DTNB: variants seen among roughly 807,000 people sequenced by gnomAD.
DTNB encodes DTN-B.
Under a neutral mutation model 90.7 loss-of-function variants are expected in DTNB, and 63 were observed. The ratio of observed to expected loss-of-function variants is 0.69; its 90% CI spans 0.57 to 0.86. DTNB has a LOEUF of 0.86. Ranked by LOEUF, DTNB falls within the 40% of genes least tolerant of loss-of-function variation. The probability of loss-of-function intolerance (pLI) is 0.00; values close to 1 mark genes in which losing one functional copy is unlikely to be tolerated. For missense variants in DTNB, 744 were observed against 807.1 expected, an observed-to-expected ratio of 0.92 and a Z score of 0.95; for synonymous variants, 277 against 286.7, an observed-to-expected ratio of 0.97 and a Z score of 0.34.
intron 8 of DTNB, among the ~76,000 whole-genome samples, chr2:25,560,680 A>G (rs146556362): frequency 2.2e-4 from 34 of 152,296 alleles, no homozygotes; most frequent in African/African-American, 7.9e-4. Context: ...GTCATCCTCC[A>G]TAACTGCATA....
intron 2 of DTNB, among the ~76,000 whole-genome samples, chr2:25,641,436 T>C (rs957351268): frequency 6.6e-6 from 1 of 152,170 alleles, no homozygotes; most frequent in Non-Finnish European, 1.5e-5. Flanking sequence ...ATCCATTACC[T>C]CAAAGGATAT....
chr2:25,382,817 C>T (rs940036821), intron 19 of DTNB, among the ~76,000 whole-genome samples: 1 of 152,122 alleles, frequency 6.6e-6, no homozygotes, highest in Non-Finnish European at 1.5e-5. Flanking sequence ...GTGTGAGCCA[C>T]CACGTCTGGC....
intron 2 of DTNB, among the ~76,000 whole-genome samples, chr2:25,639,652 C>A (rs2077821321): frequency 6.6e-6 from 1 of 151,436 alleles, no homozygotes; most frequent in African/African-American, 2.4e-5. Context: ...ATTTTATGTA[C>A]TTCTAGTATG....
chr2:25,481,471 A>G (rs2064952413), intron 10 of DTNB: 1 of 152,038 alleles, frequency 6.6e-6, no homozygotes, highest in African/African-American at 2.4e-5. Context: ...CCAGATTCCA[A>G]CTCAGAAAGA....
chr2:25,669,838 G>A (rs1479010734), intron 1 of DTNB, among the ~76,000 whole-genome samples: 2 of 151,910 alleles, frequency 1.3e-5, no homozygotes, highest in Non-Finnish European at 2.9e-5. Context: ...CAGCTACTTG[G>A]GAGAATCACT....
rs182459180 is a variant in DTNB, at chr2:25,535,434, C to T, written c.877-3837G>A. The stretch of plus-strand genomic sequence containing the variant: ...CCCAGAGGGGGCGGCCAGGCAGAGG[C>T]GCTCCTCACCTCCCATTCGGGGCAG... On this transcript the variant is annotated intron_variant, in intron 8 of 20. Transcript: ENST00000406818. Among the ~76,000 whole-genome samples, 161 of 126,782 alleles carry T rather than the reference C, an allele frequency of 1.3e-3. 2 individuals are homozygous for T. The highest frequency in any genetic ancestry group is 4.4e-3 in the African/African-American group (144 of 32,608). The allele number at this position is 126,782 out of a possible 152,430, so 83.2% of individuals were successfully genotyped here.
intron 16 of DTNB, among the ~76,000 whole-genome samples, chr2:25,395,745 G>A (rs1203840671): frequency 6.6e-6 from 1 of 152,062 alleles, no homozygotes; most frequent in African/African-American, 2.4e-5. Context: ...TACTTCCAGT[G>A]AGCAAGGAAG....
At chr2:25,639,944 T>G (rs2077895006) in intron 2 of DTNB, among the ~76,000 whole-genome samples, 1 of 152,204 alleles carries the variant, frequency 6.6e-6, no homozygotes, top group Non-Finnish European at 1.5e-5. Context: ...CAGCATCGAC[T>G]GCCAAACGCG....
rs372322501 is a variant in DTNB, at chr2:25,487,403, T to C, written c.1002-4530A>G. Among the ~76,000 whole-genome samples, 3 of 152,346 alleles carry C rather than the reference T, an allele frequency of 2.0e-5. No individual in the cohort carries two copies. In the East Asian group the frequency reaches 5.8e-4, roughly 29 times the overall value. On this transcript the variant is annotated intron_variant, in intron 9 of 20. Coordinates refer to ENST00000406818, the MANE Select transcript of DTNB (RefSeq NM_021907.5). ...TAGGCATTGTGTTAGGTATTACAAGTACTCTAGAGAGGACTTAAAGTATAT... is the reference window on the plus strand; with the variant it reads ...TAGGCATTGTGTTAGGTATTACAAGCACTCTAGAGAGGACTTAAAGTATAT...
chr2:25,461,742 A>G (rs547700600), intron 10 of DTNB, among the ~76,000 whole-genome samples: 1 of 152,272 alleles, frequency 6.6e-6, no homozygotes, highest in South Asian at 2.1e-4. Flanking sequence ...TGCTAACAAC[A>G]CTCCAGTAGG....
intron 8 of DTNB, among the ~76,000 whole-genome samples, chr2:25,534,326 G>C (rs1019905282): frequency 4.6e-5 from 7 of 152,206 alleles, no homozygotes; most frequent in Admixed American, 2.6e-4. Flanking sequence ...TGGGGGTAAG[G>C]TTATAGATTA....
intron 10 of DTNB, among the ~76,000 whole-genome samples, chr2:25,478,612 G>A (rs1411282390): frequency 6.6e-6 from 1 of 151,840 alleles, no homozygotes; most frequent in African/African-American, 2.4e-5. Flanking sequence ...ATAGCTCACT[G>A]CAGCCTCAAA....
rs542277426 is a variant in DTNB, at chr2:25,550,190, G to A, written c.877-18593C>T. ...GCGGATCACGAGGTCAGGAGATCGA[G>A]ACCATCCTGGCTAACACGGTGAAAC... On this transcript the variant is annotated intron_variant, in intron 8 of 20. Transcript: ENST00000406818. Among the ~76,000 whole-genome samples the A allele has an allele frequency of 2.6e-5, 4 of 152,198 alleles. No individual in the cohort carries two copies. The South Asian group carries it at 6.2e-4, about 24-fold the overall frequency.
intron 9 of DTNB, among the ~76,000 whole-genome samples, chr2:25,514,309 G>A (rs931421672): frequency 4.6e-5 from 7 of 152,136 alleles, no homozygotes; most frequent in African/African-American, 1.7e-4. Context: ...TGAGGTGGAC[G>A]CACACTTGGT....
chr2:25,663,303 G>A (rs2083655470), intron 1 of DTNB, among the ~76,000 whole-genome samples: 1 of 151,972 alleles, frequency 6.6e-6, no homozygotes, highest in African/African-American at 2.4e-5. Context: ...TTCTTTATCC[G>A]TTCTATTATT....
At chr2:25,606,607 T>A (rs1485720055) in intron 5 of DTNB, among the ~76,000 whole-genome samples, 1 of 152,182 alleles carries the variant, frequency 6.6e-6, no homozygotes, top group Non-Finnish European at 1.5e-5. Flanking sequence ...AATAACTGAA[T>A]AAATAAAAAC....
In DTNB at chr2:25,629,438, G is replaced by C. The variant is rs117112695; in HGVS notation, c.149-1054C>G. Among the ~76,000 whole-genome samples the C allele has an allele frequency of 5.1e-4, 77 of 152,284 alleles. No individual in the cohort carries two copies. The East Asian group carries it at 0.014, about 28-fold the overall frequency. On this transcript the variant is annotated intron_variant, in intron 3 of 20. Transcript: ENST00000406818. ...GACCCAAATATGTCAGTTAACTGCA[G>C]TGACTATAAACACACTAACGTACCA...
intron 9 of DTNB, among the ~76,000 whole-genome samples, chr2:25,495,601 G>A (rs540810443): frequency 2.6e-5 from 4 of 152,122 alleles, no homozygotes; most frequent in Admixed American, 6.5e-5. Flanking sequence ...AATGATTCTC[G>A]TGTGGATAGT....
intron 8 of DTNB, among the ~76,000 whole-genome samples, chr2:25,562,773 C>CT (rs1161329249): frequency 2.6e-5 from 4 of 151,800 alleles, no homozygotes; most frequent in Non-Finnish European, 4.4e-5. Context: ...CCCCAATTTA[C>CT]TTTTTTTTCT....
Sources: allele counts gnomAD v4.1 joint callset (sites outside exome capture counted in the v4.1 genomes callset), GRCh38; gene constraint gnomAD v4.1.1; transcripts MANE v1.5; gene names NCBI Gene and HGNC (gene_info 2026-07-23, HGNC 2026-07-21).